ASXL3: variants seen among roughly 807,000 people sequenced by gnomAD.
The protein encoded by ASXL3 is ASXL transcriptional regulator 3.
Under a neutral mutation model 170.6 loss-of-function variants are expected in ASXL3, and 34 were observed. The ratio of observed to expected loss-of-function variants is 0.20; its 90% CI spans 0.15 to 0.27. ASXL3 has a LOEUF of 0.27. Ranked by LOEUF, ASXL3 falls within the 10% of genes least tolerant of loss-of-function variation. ASXL3 has a pLI of 1.00. For missense variants in ASXL3, 2,592 were observed against 2,695.3 expected, an observed-to-expected ratio of 0.96 and a Z score of 0.85; for synonymous variants, 1,002 against 989.1, an observed-to-expected ratio of 1.01 and a Z score of -0.24.
intron 5 of ASXL3, among the ~76,000 whole-genome samples, chr18:33,670,185 CTGAG>C (rs1479627075): frequency 1.3e-5 from 2 of 152,192 alleles, no homozygotes; most frequent in Non-Finnish European, 2.9e-5. Flanking sequence ...CTCCCCATGG[CTGAG>C]TGAGTGCATC....
rs1268967083 is a variant in ASXL3 at position 33,739,760 on chromosome 18, T to A, written c.2356T>A (p.Ser786Thr). Residue 786 changes from serine to threonine, a missense_variant, in exon 11 of 12, where the codon TCT becomes ACT. Ser to Thr is a moderately conservative substitution (Grantham distance 58). This residue lies in a region of ASXL3 where 2,246 missense variants were observed against 2,219.6 expected (regional missense o/e 1.01). Transcript: ENST00000269197. ...GCCACTCTCCCCGCAGAAAGATGAG[T>A]CTTCCGCCACTGCCAAACCTCTGGG... ...EEPLSPQKDE[S>T]SATAKPLGEN... 1.2e-6 allele frequency: 2 copies of A among 1,613,552 alleles called. No homozygotes were observed. The highest frequency in any genetic ancestry group is 3.3e-5 in the Admixed American group (2 of 59,966).
rs748330879 is a variant in ASXL3 at position 33,743,443 on chromosome 18, T to C, written c.3595T>C (p.Ser1199Pro). Reference protein sequence around the residue: ...SKLPETATDLSVHSSDENIPV... With the variant: ...SKLPETATDLPVHSSDENIPV... ...ACTTCCAGAAACTGCCACTGACTTA[T>C]CTGTGCATAGTTCTGATGAAAACAT... is the stretch of plus-strand genomic sequence containing the variant. Residue 1199 changes from serine (S) to proline (P), a missense_variant, in exon 12 of 12, where the codon TCT (serine) becomes CCT (proline). Ser to Pro is a moderately conservative substitution (Grantham distance 74, BLOSUM62 -1). Transcript: ENST00000269197. 36 of 1,613,500 alleles carry C rather than the reference T, an allele frequency of 2.2e-5. No homozygotes were observed. The highest frequency in any genetic ancestry group is 2.9e-5 in the Non-Finnish European group (34 of 1,179,898).
chr18:33,695,208 C>T (rs1257143129), intron 8 of ASXL3, among the ~76,000 whole-genome samples: 1 of 152,014 alleles, frequency 6.6e-6, no homozygotes, highest in Non-Finnish European at 1.5e-5. Context: ...ATGAAAAATA[C>T]TAGTATCTTA....
rs976739287 is a variant in ASXL3, at chr18:33,615,453, C to G, written c.137+7777C>G. 2.0e-5 allele frequency among the ~76,000 whole-genome samples: 3 copies of G among 152,184 alleles called. No homozygotes were observed. In the South Asian group the frequency reaches 6.2e-4, roughly 32 times the overall value. On this transcript the variant is annotated intron_variant, in intron 2 of 11. Transcript: ENST00000269197. ...GATAACTGATTACAGAACACCATAA[C>G]AGATATGATAATAATGACAAAGTTT... is the stretch of plus-strand genomic sequence containing the variant.
At chr18:33,650,707 C>T (rs2065983941) in intron 4 of ASXL3, among the ~76,000 whole-genome samples, 1 of 152,122 alleles carries the variant, frequency 6.6e-6, no homozygotes, top group African/African-American at 2.4e-5. Flanking sequence ...ACATATCCAG[C>T]TAATGTGACA....
At chr18:33,592,396 C>G (rs1022606096) in intron 1 of ASXL3, among the ~76,000 whole-genome samples, 2 of 152,060 alleles carry the variant, frequency 1.3e-5, no homozygotes, top group African/African-American at 4.8e-5. Flanking sequence ...ATTTTTCCTC[C>G]TTAGGGACAT....
chr18:33,667,777 T>A (rs904508846), intron 5 of ASXL3, among the ~76,000 whole-genome samples: 3 of 152,228 alleles, frequency 2.0e-5, no homozygotes, highest in Admixed American at 2.0e-4. Flanking sequence ...ACACTTATAT[T>A]ATTTCATGTA....
chr18:33,624,470 T>C (rs2145158978), intron 2 of ASXL3, among the ~76,000 whole-genome samples: 1 of 152,200 alleles, frequency 6.6e-6, no homozygotes, highest in South Asian at 2.1e-4. Context: ...GAGGCAGTGG[T>C]GATATTTCTT....
intron 2 of ASXL3, among the ~76,000 whole-genome samples, chr18:33,618,552 G>A (rs1450953905): frequency 6.6e-6 from 1 of 152,118 alleles, no homozygotes; most frequent in Non-Finnish European, 1.5e-5. Flanking sequence ...AGTGTTTACT[G>A]TGTAAGATCC....
intron 2 of ASXL3, among the ~76,000 whole-genome samples, chr18:33,637,961 G>A (rs946208969): frequency 2.0e-5 from 3 of 151,998 alleles, no homozygotes; most frequent in Admixed American, 6.6e-5. Flanking sequence ...AAACACTGTT[G>A]GAGTACAAAT....
intron 8 of ASXL3, among the ~76,000 whole-genome samples, chr18:33,726,776 T>C (rs1331485359): frequency 6.6e-6 from 1 of 152,162 alleles, no homozygotes; most frequent in African/African-American, 2.4e-5. Flanking sequence ...TATCATTCTT[T>C]GGACCAACAC....
chr18:33,734,444 C>A (rs773129708), intron 10 of ASXL3, 29 bp downstream of exon 10: 2 of 1,414,630 alleles, frequency 1.4e-6, no homozygotes, highest in Non-Finnish European at 9.8e-7. Context: ...TTTCTCATTT[C>A]TCTGAGAAAG....
chr18:33,591,670 C>A (rs1370288484), intron 1 of ASXL3, among the ~76,000 whole-genome samples: 3 of 145,882 alleles, frequency 2.1e-5, no homozygotes, highest in African/African-American at 7.6e-5. Flanking sequence ...TAAACGAAGT[C>A]TTTCTCTGTC....
At position 33,718,830 on chromosome 18, in the gene ASXL3, T is replaced by TA. The variant is rs1318709927; in HGVS notation, c.880-13136dup. ...TACCTCCTCCATTTTCTATTGGCTATAAGCAAGTCATAGGTCCTTCCCATA... is the reference window on the plus strand; with the variant it reads ...TACCTCCTCCATTTTCTATTGGCTATAAAGCAAGTCATAGGTCCTTCCCATA... On this transcript the variant is annotated intron_variant, in intron 8 of 11. Coordinates refer to ENST00000269197, the MANE Select transcript of ASXL3 (RefSeq NM_030632.3). 5.9e-5 allele frequency among the ~76,000 whole-genome samples: 9 copies of TA among 151,940 alleles called. No individual in the cohort carries two copies. The East Asian group carries it at 1.7e-3, about 29-fold the overall frequency.
At chr18:33,670,558 A>C (rs2066324035) in intron 5 of ASXL3, 115 bp from the exon 6 acceptor site, 2 of 646,322 alleles carry the variant, frequency 3.1e-6, no homozygotes, top group Non-Finnish European at 2.4e-6. Context: ...GCTCTGTGGA[A>C]TTTAAGTCTC....
chr18:33,685,883 C>T (rs1297521213), intron 8 of ASXL3, among the ~76,000 whole-genome samples: 2 of 152,160 alleles, frequency 1.3e-5, no homozygotes, highest in Admixed American at 6.5e-5. Context: ...GAGATCTGCC[C>T]CCATGAGCCA....
At chr18:33,719,637 TA>T (rs576232893) in intron 8 of ASXL3, among the ~76,000 whole-genome samples, 86 of 152,048 alleles carry the variant, frequency 5.7e-4, no homozygotes, top group Non-Finnish European at 1.1e-3. Flanking sequence ...CTAACTCCCA[TA>T]GTGATGTTAC....
intron 2 of ASXL3, among the ~76,000 whole-genome samples, chr18:33,640,007 CAT>C (rs1271839530): frequency 1.3e-5 from 2 of 152,116 alleles, no homozygotes; most frequent in Non-Finnish European, 2.9e-5. Context: ...CATATCCTCA[CAT>C]AGAAAATCAC....
intron 8 of ASXL3, among the ~76,000 whole-genome samples, chr18:33,721,603 A>G (rs2145372716): frequency 6.6e-6 from 1 of 152,258 alleles, no homozygotes; most frequent in African/African-American, 2.4e-5. Context: ...CATCATAACA[A>G]TAATGACAAA....
Sources: allele counts gnomAD v4.1 joint callset (sites outside exome capture counted in the v4.1 genomes callset), GRCh38; gene constraint gnomAD v4.1.1; regional missense constraint gnomAD v4.1.1; transcripts MANE v1.5; gene names NCBI Gene and HGNC (gene_info 2026-07-23, HGNC 2026-07-21).